CYTH1: variants seen among roughly 807,000 people sequenced by gnomAD.
CYTH1 encodes cytohesin-1.
CYTH1 carries 18 observed loss-of-function variants against 61.8 expected under a neutral mutation model. That is an observed-to-expected ratio of 0.29 (90% CI 0.20 to 0.43). The LOEUF (loss-of-function observed/expected upper bound fraction) is 0.43. Ranked by LOEUF, CYTH1 falls within the 20% of genes least tolerant of loss-of-function variation. The probability of loss-of-function intolerance (pLI) is 1.00; values close to 1 mark genes in which losing one functional copy is unlikely to be tolerated. For synonymous variants in CYTH1, 174 were observed against 184.3 expected (o/e 0.94, Z 0.45); for missense variants, 336 against 510.5 (o/e 0.66, Z 3.29).
At chr17:78,769,053 C>T (rs143303372) in intron 1 of CYTH1, among the ~76,000 whole-genome samples, 2 of 151,204 alleles carry the variant, frequency 1.3e-5, no homozygotes, top group Admixed American at 6.6e-5. Flanking sequence ...GGCTGAGGCA[C>T]GAGAATCACT....
At chr17:78,733,463 T>C (rs2093305355) in intron 1 of CYTH1, among the ~76,000 whole-genome samples, 1 of 152,240 alleles carries the variant, frequency 6.6e-6, no homozygotes, top group Non-Finnish European at 1.5e-5. Flanking sequence ...CTCTTTTTTT[T>C]TTCTCTTACT....
intron 1 of CYTH1, among the ~76,000 whole-genome samples, chr17:78,710,375 C>A (rs932420826): frequency 6.6e-6 from 1 of 152,208 alleles, no homozygotes; most frequent in Non-Finnish European, 1.5e-5. Flanking sequence ...ACAATGTGCT[C>A]TTATCATCAG....
chr17:78,754,285 T>TC (rs1231779124), intron 1 of CYTH1, among the ~76,000 whole-genome samples: 3 of 152,184 alleles, frequency 2.0e-5, no homozygotes, highest in African/African-American at 7.2e-5. Flanking sequence ...AATTTATACT[T>TC]CTAGTTTTTA....
At chr17:78,771,831 G>A (rs975030208) in intron 1 of CYTH1, among the ~76,000 whole-genome samples, 5 of 151,384 alleles carry the variant, frequency 3.3e-5, no homozygotes, top group African/African-American at 1.2e-4. Context: ...AGTCACTAAA[G>A]AAAGCAGCTA....
At chr17:78,776,994 G>T (rs143109332) in intron 1 of CYTH1, among the ~76,000 whole-genome samples, 2 of 151,796 alleles carry the variant, frequency 1.3e-5, no homozygotes, top group African/African-American at 4.8e-5. Flanking sequence ...GCGTGGTGAC[G>T]CATGCCTGTA....
intron 11 of CYTH1, 82 bp from the exon 12 acceptor site, chr17:78,681,124 G>C: frequency 7.3e-7 from 1 of 1,369,950 alleles, no homozygotes; most frequent in South Asian, 1.2e-5. Flanking sequence ...TGACTCAGCC[G>C]AACTTTCCTG....
In CYTH1 at chr17:78,782,243, G is replaced by A; in HGVS notation, c.-20C>T. 2 of 1,298,266 alleles carry A rather than the reference G, an allele frequency of 1.5e-6. No homozygotes were observed. Among genetic ancestry groups the A allele is most frequent in the Non-Finnish European group, 2.0e-6 (2 of 1,008,670 alleles). The allele number at this position is 1,298,266 out of a possible 1,614,324, so 80.4% of individuals were successfully genotyped here. On this transcript the variant is annotated 5_prime_UTR_variant, in exon 1 of 14. Coordinates refer to ENST00000446868, the MANE Select transcript of CYTH1 (RefSeq NM_004762.6). ...CTCCATGGTGCGGGAGCCGGGCTCC[G>A]CGCTCCGGCTCGCCGCTCGCGTCCC...
Position 78,675,849 on chromosome 17 carries a change from G to T in CYTH1, c.*242C>A, listed in dbSNP as rs1363232688. 3 of 1,454,786 alleles carry T rather than the reference G, an allele frequency of 2.1e-6. No homozygotes were observed. The African/African-American group carries it at 4.3e-5, about 21-fold the overall frequency. The allele number at this position is 1,454,786 out of a possible 1,614,324, so 90.1% of individuals were successfully genotyped here. ...AGGCTGCCCTGCCGACAAGAGCTCT[G>T]CCCTGTGAGAGAGGAAGGCTCTGGA... On this transcript the variant is annotated 3_prime_UTR_variant, in exon 14 of 14. Coordinates refer to ENST00000446868, the MANE Select transcript of CYTH1 (RefSeq NM_004762.6).
intron 1 of CYTH1, among the ~76,000 whole-genome samples, chr17:78,774,728 A>C (rs1203557776): frequency 6.6e-6 from 1 of 152,092 alleles, no homozygotes; most frequent in Non-Finnish European, 1.5e-5. Context: ...CTCACCACCC[A>C]CACACAGGTC....
intron 11 of CYTH1, among the ~76,000 whole-genome samples, chr17:78,686,242 T>A (rs2092815321): frequency 6.6e-6 from 1 of 152,388 alleles, no homozygotes; most frequent in East Asian, 1.9e-4. Context: ...GACATGATTA[T>A]ATTTTCAGCT....
intron 11 of CYTH1, among the ~76,000 whole-genome samples, chr17:78,688,281 G>A (rs2092837523): frequency 6.6e-6 from 1 of 152,146 alleles, no homozygotes. Flanking sequence ...TAGCAGCCGT[G>A]GTGTTGGTTG....
rs1016225346 is a variant in CYTH1, at chr17:78,717,811, T to C, written c.23-8079A>G. ...CTAAATCCCCGTGGGTACCGTCAAA[T>C]GAACGTGTCCAAGGCATGCTTTAGG... On this transcript the variant is annotated intron_variant, in intron 1 of 13. Transcript: ENST00000446868. This position sits in a 1 kb window ranked among gnomAD's most constrained non-coding sequence, Gnocchi z 4.4. 3.3e-5 allele frequency among the ~76,000 whole-genome samples: 5 copies of C among 152,172 alleles called. No individual in the cohort carries two copies. The highest frequency in any genetic ancestry group is 5.9e-5 in the Non-Finnish European group (4 of 68,034).
intron 13 of CYTH1, 124 bp downstream of exon 13, chr17:78,680,066 G>T: frequency 7.4e-7 from 1 of 1,344,122 alleles, no homozygotes; most frequent in Non-Finnish European, 1.0e-6. Flanking sequence ...CCAGGACGAA[G>T]CTTCCCTAAG....
chr17:78,780,281 G>A (rs534849792), intron 1 of CYTH1, among the ~76,000 whole-genome samples: 1 of 152,138 alleles, frequency 6.6e-6, no homozygotes, highest in East Asian at 1.9e-4. Context: ...ACTTTGGGAG[G>A]CCAAGATAGG....
intron 1 of CYTH1, among the ~76,000 whole-genome samples, chr17:78,761,600 T>C (rs573037448): frequency 8.6e-5 from 13 of 152,014 alleles, no homozygotes; most frequent in Non-Finnish European, 1.6e-4. Context: ...CAGCCGGGCG[T>C]GGTGGCGGGC....
rs149969822 is a variant in CYTH1, at chr17:78,719,602, G to A, written c.23-9870C>T. On this transcript the variant is annotated intron_variant, in intron 1 of 13. Coordinates refer to ENST00000446868, the MANE Select transcript of CYTH1 (RefSeq NM_004762.6). ...TGTGGGGTCAGATCTTTAAGGCAGG[G>A]ATAAGAATGCAACCAAAATCCAGTG... Among the ~76,000 whole-genome samples, 459 of 152,292 alleles carry A rather than the reference G, an allele frequency of 3.0e-3. 3 individuals are homozygous for A. Among genetic ancestry groups the A allele is most frequent in the African/African-American group, 9.8e-3 (407 of 41,542 alleles).
At chr17:78,750,331 G>A (rs913081142) in intron 1 of CYTH1, among the ~76,000 whole-genome samples, 8 of 152,060 alleles carry the variant, frequency 5.3e-5, no homozygotes, top group African/African-American at 1.7e-4. Context: ...TCTCAGGTGG[G>A]GTGAATAAAG....
rs1185249623 is a variant in CYTH1, at chr17:78,700,397, C to T, written c.484G>A (p.Asp162Asn). 2 of 1,613,726 alleles carry T rather than the reference C, an allele frequency of 1.2e-6. No homozygotes were observed. Among genetic ancestry groups the T allele is most frequent in the Non-Finnish European group, 1.7e-6 (2 of 1,179,806 alleles). ...FRLPGEAQKI[D>N]RMMEAFAQRY... ...TGGGCAAACGCCTCCATCATCCGGT[C>T]GATCTTCTGGGCCTCTCCGGGTAGC... Residue 162 changes from aspartate (D) to asparagine (N), a missense_variant, in exon 7 of 14, where the codon GAC (aspartate) becomes AAC (asparagine). Around this residue, in one of 4 missense-constraint regions of CYTH1, gnomAD observed 125 missense variants for 209.9 expected, o/e 0.60. Coordinates refer to ENST00000446868, the MANE Select transcript of CYTH1 (RefSeq NM_004762.6). This position sits in a 1 kb window ranked among gnomAD's most constrained non-coding sequence, Gnocchi z 5.1.
intron 11 of CYTH1, among the ~76,000 whole-genome samples, chr17:78,688,738 G>T (rs954165834): frequency 6.6e-6 from 1 of 152,168 alleles, no homozygotes; most frequent in Non-Finnish European, 1.5e-5. Flanking sequence ...CTTGTCTTTT[G>T]ATGCAGGGTG....
Sources: allele counts gnomAD v4.1 joint callset (sites outside exome capture counted in the v4.1 genomes callset), GRCh38; gene constraint gnomAD v4.1.1; regional missense constraint gnomAD v4.1.1; non-coding constraint Gnocchi (gnomAD v3.1); transcripts MANE v1.5; gene names NCBI Gene and HGNC (gene_info 2026-07-23, HGNC 2026-07-21).